Variants in AP3B1 observed in about 807,000 individuals in gnomAD.
AP3B1 encodes AP-3 complex subunit beta-1.
A neutral mutation model predicts 132.5 loss-of-function variants in AP3B1; 61 were observed. That is an observed-to-expected ratio of 0.46 (90% CI 0.37 to 0.57). The LOEUF (loss-of-function observed/expected upper bound fraction) is 0.57, where lower values mean the gene tolerates loss of function less well. AP3B1 is among the 20% of genes least tolerant of loss of function. The probability of loss-of-function intolerance (pLI) is 0.00; values close to 1 mark genes in which losing one functional copy is unlikely to be tolerated. For synonymous variants in AP3B1, 388 were observed against 438.3 expected, an observed-to-expected ratio of 0.89 and a Z score of 1.43; for missense variants, 1,120 against 1,289.4, an observed-to-expected ratio of 0.87 and a Z score of 2.01.
At chr5:78,260,192 T>C (rs10474532) in intron 2 of AP3B1, among the ~76,000 whole-genome samples, 3 of 151,494 alleles carry the variant, frequency 2.0e-5, no homozygotes, top group Non-Finnish European at 4.4e-5. Flanking sequence ...GAAAAAAAAA[T>C]AGAAACCTGT....
At chr5:78,091,337 A>C (rs1750506591) in intron 21 of AP3B1, among the ~76,000 whole-genome samples, 1 of 152,166 alleles carries the variant, frequency 6.6e-6, no homozygotes, top group African/African-American at 2.4e-5. Flanking sequence ...AAGAAGAAAA[A>C]TTTCAAAGGA....
chr5:78,017,073 G>A (rs1202697933), intron 25 of AP3B1, among the ~76,000 whole-genome samples: 1 of 152,012 alleles, frequency 6.6e-6, no homozygotes, highest in African/African-American at 2.4e-5. Context: ...ATGGAAAGAT[G>A]GATAGCACTC....
At chr5:78,190,335 T>C (rs991991269) in intron 7 of AP3B1, among the ~76,000 whole-genome samples, 1 of 152,134 alleles carries the variant, frequency 6.6e-6, no homozygotes, top group African/African-American at 2.4e-5. Context: ...TATAGGCATG[T>C]ACCAACTGCA....
chr5:78,225,698 A>T (rs1292419166), intron 5 of AP3B1, 90 bp from the exon 6 acceptor site: 1 of 782,842 alleles, frequency 1.3e-6, no homozygotes, highest in African/African-American at 1.7e-5. Context: ...AGAAATTTTT[A>T]AAGAGGGAAA....
At chr5:78,012,708 C>A (rs1041042305) in intron 26 of AP3B1, among the ~76,000 whole-genome samples, 1 of 152,170 alleles carries the variant, frequency 6.6e-6, no homozygotes, top group Non-Finnish European at 1.5e-5. Context: ...ACTGATGATA[C>A]GGCTAGAACA....
intron 18 of AP3B1, among the ~76,000 whole-genome samples, chr5:78,115,669 TTAA>T (rs1415781473): frequency 5.9e-5 from 9 of 152,178 alleles, no homozygotes; most frequent in African/African-American, 2.2e-4. Flanking sequence ...ATATAGAGAC[TTAA>T]TAATTTTAGC....
chr5:78,030,208 G>A lies in AP3B1; in HGVS notation c.2894+4153C>T, dbSNP rs540694855. Reference sequence around the variant, plus strand: ...GCGGCTATTCACAGGTGCAATCATCGCGCACTGCAGCCTCTAATTCCTGGG... The same window carrying A: ...GCGGCTATTCACAGGTGCAATCATCACGCACTGCAGCCTCTAATTCCTGGG... On this transcript the variant is annotated intron_variant, in intron 24 of 26. Transcript: ENST00000255194. 1.9e-4 allele frequency among the ~76,000 whole-genome samples: 29 copies of A among 151,972 alleles called. No individual in the cohort carries two copies. In the South Asian group the frequency reaches 4.6e-3, roughly 24 times the overall value.
At chr5:78,178,115 G>C (rs1744225255) in intron 8 of AP3B1, among the ~76,000 whole-genome samples, 1 of 152,192 alleles carries the variant, frequency 6.6e-6, no homozygotes, top group South Asian at 2.1e-4. Flanking sequence ...GCTGCTCTGA[G>C]ACTGGGGCTT....
At chr5:78,241,809 C>T (rs1439094792) in intron 2 of AP3B1, among the ~76,000 whole-genome samples, 3 of 152,222 alleles carry the variant, frequency 2.0e-5, no homozygotes, top group East Asian at 3.8e-4. Flanking sequence ...TAAAGCCAAA[C>T]TCATCTTTCA....
intron 14 of AP3B1, among the ~76,000 whole-genome samples, chr5:78,147,552 A>AT (rs932876660): frequency 6.7e-5 from 10 of 150,178 alleles, no homozygotes; most frequent in Non-Finnish European, 1.2e-4. Flanking sequence ...TTTCTTTCTT[A>AT]TTTTTTTTCT....
chr5:78,055,277 T>C (rs528734040), intron 22 of AP3B1, among the ~76,000 whole-genome samples: 1 of 152,326 alleles, frequency 6.6e-6, no homozygotes, highest in East Asian at 1.9e-4. Flanking sequence ...TACGTATTTT[T>C]AACATATTAA....
chr5:78,040,805 C>T (rs1402336378), intron 22 of AP3B1, among the ~76,000 whole-genome samples: 2 of 151,972 alleles, frequency 1.3e-5, no homozygotes, highest in Non-Finnish European at 2.9e-5. Context: ...TTCACTATGC[C>T]GTGTACACCT....
intron 22 of AP3B1, among the ~76,000 whole-genome samples, chr5:78,060,023 G>A (rs1226834908): frequency 6.6e-6 from 1 of 151,726 alleles, no homozygotes; most frequent in Non-Finnish European, 1.5e-5. Flanking sequence ...GTCTGGGTGG[G>A]GCAGAACAAG....
chr5:78,159,264 A>C (rs556920463), intron 13 of AP3B1, among the ~76,000 whole-genome samples: 1 of 152,242 alleles, frequency 6.6e-6, no homozygotes, highest in Non-Finnish European at 1.5e-5. Flanking sequence ...AAGCAGACGC[A>C]GGATTGGCTA....
chr5:78,259,998 T>C (rs1351703021), intron 2 of AP3B1, among the ~76,000 whole-genome samples: 3 of 151,448 alleles, frequency 2.0e-5, no homozygotes, highest in Admixed American at 1.3e-4. Context: ...AAAAAATTAA[T>C]AATAAAATTA....
chr5:78,086,701 T>C (rs1750271525), intron 22 of AP3B1, among the ~76,000 whole-genome samples: 1 of 152,224 alleles, frequency 6.6e-6, no homozygotes, highest in Non-Finnish European at 1.5e-5. Flanking sequence ...ATACAGACTG[T>C]ACCATGTCCC....
At chr5:78,184,126 G>A (rs909090474) in intron 7 of AP3B1, among the ~76,000 whole-genome samples, 5 of 150,846 alleles carry the variant, frequency 3.3e-5, no homozygotes, top group African/African-American at 4.9e-5. Flanking sequence ...TGGAGATTGC[G>A]CCACTGCACT....
At chr5:78,187,743 C>A (rs938801376) in intron 7 of AP3B1, among the ~76,000 whole-genome samples, 1 of 152,114 alleles carries the variant, frequency 6.6e-6, no homozygotes, top group Non-Finnish European at 1.5e-5. Context: ...TTTTAAAATT[C>A]ATATGAAACC....
chr5:78,294,107 C>A (rs1460203175), intron 1 of AP3B1, among the ~76,000 whole-genome samples: 1 of 152,156 alleles, frequency 6.6e-6, no homozygotes, highest in East Asian at 1.9e-4. Context: ...ATCCGGCGAA[C>A]GGTAAATAAA....
Sources: gnomAD v4.1 joint callset for allele counts (sites outside exome capture counted in the v4.1 genomes callset) on GRCh38, gnomAD v4.1.1 for gene constraint, MANE v1.5 for transcripts, NCBI Gene and HGNC (gene_info 2026-07-23, HGNC 2026-07-21) for gene names.